LTBP1: variants seen among roughly 807,000 people sequenced by gnomAD.
The protein encoded by LTBP1 is latent transforming growth factor beta binding protein 1.
In LTBP1, 129 loss-of-function variants were observed where a neutral mutation model predicts 207.6. That is an observed-to-expected ratio of 0.62 (90% CI 0.54 to 0.72). The LOEUF is 0.72. Among genes scored for constraint, LTBP1 ranks in the 30% least tolerant of loss-of-function variants. The pLI is 0.00. For synonymous variants in LTBP1, 963 were observed against 833.7 expected, an observed-to-expected ratio of 1.16 and a Z score of -2.67; for missense variants, 2,281 against 2,217.2, an observed-to-expected ratio of 1.03 and a Z score of -0.58.
At chr2:33,356,345 AG>A (rs1341283248) in intron 26 of LTBP1, among the ~76,000 whole-genome samples, 1 of 152,178 alleles carries the variant, frequency 6.6e-6, no homozygotes, top group Non-Finnish European at 1.5e-5. Flanking sequence ...TTCCTGAGAA[AG>A]GAACTCAGAT....
At chr2:33,098,857 G>A (rs1028964424) in intron 3 of LTBP1, among the ~76,000 whole-genome samples, 1 of 152,174 alleles carries the variant, frequency 6.6e-6, no homozygotes, top group Non-Finnish European at 1.5e-5. Context: ...GGCTCTCCTG[G>A]TATATATGGG....
chr2:33,274,521 T>C (rs1016548020), intron 16 of LTBP1, among the ~76,000 whole-genome samples: 1 of 152,208 alleles, frequency 6.6e-6, no homozygotes, highest in Non-Finnish European at 1.5e-5. Context: ...GTCATTTGTA[T>C]ACATTATATG....
At chr2:33,326,716 T>C (rs966792303) in intron 24 of LTBP1, among the ~76,000 whole-genome samples, 12 of 151,414 alleles carry the variant, frequency 7.9e-5, no homozygotes, top group Non-Finnish European at 1.3e-4. Context: ...TGGAGTGCAG[T>C]GGTGCAATCT....
intron 33 of LTBP1, 113 bp from the exon 34 acceptor site, chr2:33,398,251 C>G (rs375188583): frequency 6.7e-6 from 6 of 892,842 alleles, no homozygotes; most frequent in African/African-American, 3.4e-5. Flanking sequence ...GAAGCAATGA[C>G]GAGAAAGCTT....
chr2:33,380,643 T>A (rs1348752803), intron 31 of LTBP1, among the ~76,000 whole-genome samples: 3 of 152,130 alleles, frequency 2.0e-5, no homozygotes, highest in East Asian at 3.8e-4. Flanking sequence ...GATCATCTAG[T>A]CTTATTGCCT....
chr2:33,118,547 T>C (rs1049168647), intron 4 of LTBP1, among the ~76,000 whole-genome samples: 45 of 152,184 alleles, frequency 3.0e-4, no homozygotes, highest in African/African-American at 1.1e-3. Flanking sequence ...AAGAAAGGCG[T>C]CTGCTTTTCA....
intron 3 of LTBP1, among the ~76,000 whole-genome samples, chr2:33,109,828 C>T (rs1323896847): frequency 1.3e-5 from 2 of 152,158 alleles, no homozygotes; most frequent in Admixed American, 6.5e-5. Flanking sequence ...TTTTTCTCAG[C>T]TCAGTGTCGC....
At chr2:33,316,182 G>GACCTATTATTGCTTGCTAAATGGAGGA (rs140683616) in intron 24 of LTBP1, among the ~76,000 whole-genome samples, 1 of 151,980 alleles carries the variant, frequency 6.6e-6, no homozygotes, top group African/African-American at 2.4e-5. Context: ...TGTTCTTGAT[G>GACCTATTATTGCTTGCTAAATGGAGGA]ATAATTTACC....
chr2:33,245,918 T>C (rs570585585), intron 10 of LTBP1, among the ~76,000 whole-genome samples: 2 of 152,304 alleles, frequency 1.3e-5, no homozygotes, highest in East Asian at 1.9e-4. Flanking sequence ...TTTGACCAGA[T>C]CTGATGTCTA....
intron 10 of LTBP1, among the ~76,000 whole-genome samples, chr2:33,251,785 C>T (rs923569020): frequency 4.0e-5 from 6 of 151,406 alleles, no homozygotes; most frequent in East Asian, 1.9e-4. Flanking sequence ...GGGGAATGGG[C>T]GGCGGGGGGA....
At chr2:33,309,693 TG>T (rs2094152743) in intron 23 of LTBP1, 137 bp downstream of exon 23, 1 of 1,009,268 alleles carries the variant, frequency 9.9e-7, no homozygotes, top group South Asian at 1.6e-5. Flanking sequence ...TTAAAATAGC[TG>T]TCTTGGGTCC....
chr2:33,183,601 G>A (rs1309327978), intron 5 of LTBP1, among the ~76,000 whole-genome samples: 1 of 152,118 alleles, frequency 6.6e-6, no homozygotes, highest in African/African-American at 2.4e-5. Flanking sequence ...CTACGGTAAC[G>A]GAAATTCATG....
intron 5 of LTBP1, among the ~76,000 whole-genome samples, chr2:33,183,286 G>A (rs778336328): frequency 4.6e-5 from 7 of 151,972 alleles, no homozygotes; most frequent in Non-Finnish European, 1.0e-4. Flanking sequence ...ACTGTCTTTC[G>A]ATTATCCACT....
In LTBP1 at chr2:33,295,331, A is replaced by G. The variant is rs1345986689; in HGVS notation, c.3235+2049A>G. 3.9e-5 allele frequency among the ~76,000 whole-genome samples: 6 copies of G among 152,256 alleles called. No individual in the cohort carries two copies. In the East Asian group the frequency reaches 9.6e-4, roughly 24 times the overall value. ...CACCTGAAGTCAGGAGTTCGAGACC[A>G]GCTTGGCCAACATGGTGAAACCCTG... On this transcript the variant is annotated intron_variant, in intron 20 of 33. Coordinates refer to ENST00000404816, the MANE Select transcript of LTBP1 (RefSeq NM_206943.4).
At chr2:32,967,152 G>T (rs1008525374) in intron 2 of LTBP1, among the ~76,000 whole-genome samples, 1 of 151,932 alleles carries the variant, frequency 6.6e-6, no homozygotes, top group South Asian at 2.1e-4. Flanking sequence ...ACGTTCATAG[G>T]ATCTATAATG....
At chr2:33,361,365 T>G in intron 27 of LTBP1, 64 bp from the exon 28 acceptor site, 1 of 1,096,440 alleles carries the variant, frequency 9.1e-7, no homozygotes, top group Non-Finnish European at 1.3e-6. Context: ...CAAAACTGAA[T>G]TTGAAACATG....
chr2:33,298,768 A>G (rs548082811), intron 20 of LTBP1, among the ~76,000 whole-genome samples: 2 of 152,364 alleles, frequency 1.3e-5, no homozygotes, highest in South Asian at 4.1e-4. Context: ...TTGGTAAAAC[A>G]AAAGTTTTTA....
At chr2:33,096,679 T>A (rs527386585) in intron 3 of LTBP1, among the ~76,000 whole-genome samples, 1 of 152,316 alleles carries the variant, frequency 6.6e-6, no homozygotes, top group East Asian at 1.9e-4. Flanking sequence ...GCAGATGATG[T>A]TGTGAAAATC....
chr2:33,207,900 A>G (rs987112730), intron 7 of LTBP1, among the ~76,000 whole-genome samples: 1 of 152,238 alleles, frequency 6.6e-6, no homozygotes, highest in African/African-American at 2.4e-5. Flanking sequence ...GTCAGGAGTC[A>G]CTTTTCCAGA....
Sources: allele counts gnomAD v4.1 joint callset (sites outside exome capture counted in the v4.1 genomes callset), GRCh38; gene constraint gnomAD v4.1.1; transcripts MANE v1.5; gene names NCBI Gene and HGNC (gene_info 2026-07-23, HGNC 2026-07-21).